The following ZZEF1 variants were observed in gnomAD, a reference collection of about 807,000 sequenced individuals.
The protein encoded by ZZEF1 is zinc finger ZZ-type and EF-hand domain containing 1.
A neutral mutation model predicts 342.8 loss-of-function variants in ZZEF1; 157 were observed. The ratio of observed to expected loss-of-function variants is 0.46; its 90% CI spans 0.40 to 0.52. ZZEF1 has a LOEUF of 0.52. Among genes scored for constraint, ZZEF1 ranks in the 20% least tolerant of loss-of-function variants. ZZEF1 has a pLI of 0.00. For missense variants in ZZEF1, 3,480 were observed against 3,725.6 expected, an observed-to-expected ratio of 0.93 and a Z score of 1.72; for synonymous variants, 1,505 against 1,429.1, an observed-to-expected ratio of 1.05 and a Z score of -1.20.
intron 14 of ZZEF1, among the ~76,000 whole-genome samples, chr17:4,086,990 TTC>T (rs2057843866): frequency 6.6e-6 from 1 of 152,176 alleles, no homozygotes; most frequent in African/African-American, 2.4e-5. Context: ...CAAGCAATTC[TTC>T]CGCCTCAGCC....
intron 24 of ZZEF1, 23 bp downstream of exon 24, chr17:4,074,127 A>G (rs2057562194): frequency 1.2e-6 from 2 of 1,610,134 alleles, no homozygotes; most frequent in Non-Finnish European, 1.7e-6. Context: ...GTAAGAAGGG[A>G]AAGCACAGGG....
intron 13 of ZZEF1, 33 bp from the exon 14 acceptor site, chr17:4,087,567 C>A (rs745801508): frequency 6.8e-5 from 105 of 1,551,882 alleles, no homozygotes; most frequent in Non-Finnish European, 8.7e-5. Context: ...ATAAATAAAA[C>A]TGAAAAATGC....
Position 4,142,987 on chromosome 17 carries a change from G to T in ZZEF1, c.-92C>A. On this transcript the variant is annotated 5_prime_UTR_variant, in exon 1 of 55. Coordinates refer to ENST00000381638, the MANE Select transcript of ZZEF1 (RefSeq NM_015113.4). ...CCTCCGACAGCAGCTGGCGGGCGGG[G>T]ACGCGGAGGAGACGACGGCGGCCCC... The T allele has an allele frequency of 1.6e-6, 2 of 1,268,234 alleles. No homozygotes were observed. Among genetic ancestry groups the T allele is most frequent in the East Asian group, 3.2e-5 (1 of 31,438 alleles). The allele number at this position is 1,268,234 out of a possible 1,614,324, so 78.6% of individuals were successfully genotyped here.
In ZZEF1 at chr17:4,017,647, C is replaced by G; in HGVS notation, c.7725G>C (p.Leu2575=). 1 of 1,614,146 alleles carries G rather than the reference C, an allele frequency of 6.2e-7. No individual in the cohort carries two copies. The highest frequency in any genetic ancestry group is 8.5e-7 in the Non-Finnish European group (1 of 1,180,032). The part of the protein sequence containing the change: ...QKLISSTESE[L]QQSYAKQRRS... ...GGCGCTGCTTGGCATAGCTCTGCTG[C>G]AGTTCGCTCTCTGTGCTGGAGATCA... The change falls in exon 48 of 55, where the codon CTG becomes CTC. Residue 2575 remains leucine, a synonymous_variant. Coordinates refer to ENST00000381638, the MANE Select transcript of ZZEF1 (RefSeq NM_015113.4). This position sits in a 1 kb window ranked among gnomAD's most constrained non-coding sequence, Gnocchi z 5.1.
chr17:4,072,614 A>G lies in ZZEF1; in HGVS notation c.3828T>C (p.Ser1276=), dbSNP rs753071118. 47 of 1,609,682 alleles carry G rather than the reference A, an allele frequency of 2.9e-5. No homozygotes were observed. The highest frequency in any genetic ancestry group is 2.2e-5 in the East Asian group (1 of 44,858). The change falls in exon 25 of 55, where the codon AGT becomes AGC. Residue 1276 remains serine, a synonymous_variant. Transcript: ENST00000381638. ...ASWPTHPHRN[S]KEVKNIPDDP... is the part of the protein sequence containing the mutation. ...AAAACGGAAGAGTAAATACCTCCTTACTATTCCGGTGTGGGTGAGTGGGCC... is the reference window on the plus strand; with the variant it reads ...AAAACGGAAGAGTAAATACCTCCTTGCTATTCCGGTGTGGGTGAGTGGGCC...
rs1396344778 is a variant in ZZEF1 at position 4,049,858 on chromosome 17, G to C, written c.5865C>G (p.Gly1955=). Residue 1955 remains glycine (G), a splice_region_variant and synonymous_variant, in exon 37 of 55, where the codon GGC becomes GGG. Transcript: ENST00000381638. ...CACCCAGCAAAGCTAGAGCTTTAAG[G>C]CCTATGTGGGAAGCAAATCAGAGAA... ...DCLMKAHQGK[G]LKALALLGVL... 6.2e-7 allele frequency: 1 copy of C among 1,613,020 alleles called. No homozygotes were observed.
chr17:4,117,420 C>T (rs770719643), intron 2 of ZZEF1, among the ~76,000 whole-genome samples: 13 of 151,972 alleles, frequency 8.6e-5, no homozygotes, highest in African/African-American at 1.2e-4. Flanking sequence ...CCGAGGCGGA[C>T]GGATGACCTG....
chr17:4,123,282 T>C (rs145516222), intron 2 of ZZEF1, among the ~76,000 whole-genome samples: 2 of 93,952 alleles, frequency 2.1e-5, no homozygotes, highest in African/African-American at 8.1e-5. Context: ...TATATATATA[T>C]ATATATATAT....
chr17:4,040,347 C>T (rs920148160), intron 39 of ZZEF1, among the ~76,000 whole-genome samples: 2 of 152,168 alleles, frequency 1.3e-5, no homozygotes, highest in Non-Finnish European at 2.9e-5. Flanking sequence ...TCATTAATTA[C>T]CATATGGTCT....
At chr17:4,126,914 C>A (rs1348648109) in intron 1 of ZZEF1, among the ~76,000 whole-genome samples, 2 of 152,002 alleles carry the variant, frequency 1.3e-5, no homozygotes, top group African/African-American at 2.4e-5. Context: ...TTGCAGTGAG[C>A]CAAAATTATA....
intron 42 of ZZEF1, among the ~76,000 whole-genome samples, chr17:4,026,130 G>A (rs1326447906): frequency 6.6e-6 from 1 of 152,204 alleles, no homozygotes. Flanking sequence ...GCACATTTCT[G>A]TGAAAGGAAA....
chr17:4,069,754 C>T (rs1253320377), intron 26 of ZZEF1, among the ~76,000 whole-genome samples: 2 of 152,118 alleles, frequency 1.3e-5, no homozygotes, highest in African/African-American at 4.8e-5. Context: ...TCGCTTGAAC[C>T]CGGGAGGTGG....
At chr17:4,120,628 C>T (rs1034412765) in intron 2 of ZZEF1, among the ~76,000 whole-genome samples, 2 of 152,116 alleles carry the variant, frequency 1.3e-5, no homozygotes, top group Non-Finnish European at 2.9e-5. Flanking sequence ...TGATGCTGCA[C>T]TGTTTTGCTC....
rs768538975 is a variant in ZZEF1 at position 4,006,479 on chromosome 17, G to T, written c.*411C>A. On this transcript the variant is annotated 3_prime_UTR_variant, in exon 55 of 55. Transcript: ENST00000381638. ...AGCCACTGGGGGTCTTGCTGGAAAG[G>T]TGGATCTGGGTGGACTGTGCCTCCC... 5 of 245,004 alleles carry T rather than the reference G, an allele frequency of 2.0e-5. No homozygotes were observed. The highest frequency in any genetic ancestry group is 4.1e-5 in the Non-Finnish European group (5 of 123,148). 15.2% of individuals were successfully genotyped at this position (245,004 alleles called of 1,614,324 possible).
chr17:4,105,229 G>A (rs2058191738), intron 7 of ZZEF1, among the ~76,000 whole-genome samples: 1 of 152,142 alleles, frequency 6.6e-6, no homozygotes, highest in South Asian at 2.1e-4. Flanking sequence ...GATGGCTCAG[G>A]GACTGGTTTG....
chr17:4,124,183 T>C, intron 1 of ZZEF1, 132 bp from the exon 2 acceptor site: 20 of 1,136,938 alleles, frequency 1.8e-5, no homozygotes, highest in Non-Finnish European at 2.4e-5. Flanking sequence ...AGTCCATATG[T>C]ATCAACCAAA....
Position 4,042,443 on chromosome 17 carries a change from G to T in ZZEF1, c.6292C>A (p.Pro2098Thr), listed in dbSNP as rs1343158900. The change falls in exon 39 of 55, where the codon CCT (proline) becomes ACT (threonine). Residue 2098 changes from proline (P) to threonine (T), a missense_variant. Pro to Thr is a conservative substitution (Grantham distance 38). Transcript: ENST00000381638. ...ATTGCCCTTACCGACTTTAAGGGAG[G>T]TAACATGGCTGCTAGTAATCCCAAA... Reference protein sequence around the residue: ...RILGLLAAMLPPLKSGPTVPL... With the variant: ...RILGLLAAMLTPLKSGPTVPL... The T allele has an allele frequency of 6.2e-7, 1 of 1,612,974 alleles. No individual in the cohort carries two copies.
rs1450343822 is a variant in ZZEF1, at chr17:4,017,887, T to C, written c.7590A>G (p.Glu2530=). ...TATCCACAGCTTTGGCGCTCTGTTC[T>C]TCCAGCCTCAGACTCTTACTGGGCT... The part of the protein sequence containing the change: ...RWQPSKSLRL[E]EQSAKAVDTD... The change falls in exon 47 of 55, where the codon GAA becomes GAG. Residue 2530 remains glutamate, a synonymous_variant. Coordinates refer to ENST00000381638, the MANE Select transcript of ZZEF1 (RefSeq NM_015113.4). This position sits in a 1 kb window ranked among gnomAD's most constrained non-coding sequence, Gnocchi z 5.1. 6.2e-7 allele frequency: 1 copy of C among 1,614,202 alleles called. No individual in the cohort carries two copies. Among genetic ancestry groups the C allele is most frequent in the Admixed American group, 1.7e-5 (1 of 60,026 alleles).
intron 6 of ZZEF1, among the ~76,000 whole-genome samples, chr17:4,106,482 A>AC (rs1186699616): frequency 1.3e-5 from 2 of 150,766 alleles, no homozygotes; most frequent in Non-Finnish European, 3.0e-5. Context: ...GCAACAGGGA[A>AC]AAAAAAAAAA....
Sources: gnomAD v4.1 joint callset for allele counts (sites outside exome capture counted in the v4.1 genomes callset) on GRCh38, gnomAD v4.1.1 for gene constraint, Gnocchi (gnomAD v3.1) non-coding constraint, MANE v1.5 for transcripts, NCBI Gene and HGNC (gene_info 2026-07-23, HGNC 2026-07-21) for gene names.